The following VPS13B variants were observed in gnomAD, a reference collection of about 807,000 sequenced individuals.
The protein encoded by VPS13B is vacuolar protein sorting 13 homolog B.
In VPS13B, 285 loss-of-function variants were observed where a neutral mutation model predicts 426.4. That is an observed-to-expected ratio of 0.67 (90% CI 0.61 to 0.74). The LOEUF (loss-of-function observed/expected upper bound fraction) is 0.74. Ranked by LOEUF, VPS13B falls within the 30% of genes least tolerant of loss-of-function variation. The pLI, the probability that VPS13B is intolerant of heterozygous loss-of-function variation, is 0.00. For missense variants in VPS13B, 4,537 were observed against 4,782.6 expected (o/e 0.95, Z 1.51); for synonymous variants, 1,676 against 1,676.4 (o/e 1.00, Z 0.01).
At chr8:99,639,780 G>A (rs974729185) in intron 33 of VPS13B, among the ~76,000 whole-genome samples, 6 of 148,954 alleles carry the variant, frequency 4.0e-5, no homozygotes, top group Admixed American at 2.7e-4. Flanking sequence ...AGACCAGGTT[G>A]GGCTACACTA....
At chr8:99,489,101 T>G (rs1470105434) in intron 25 of VPS13B, among the ~76,000 whole-genome samples, 2 of 152,202 alleles carry the variant, frequency 1.3e-5, no homozygotes, top group East Asian at 1.9e-4. Context: ...TTTCTACATA[T>G]GGCTAGCCAG....
rs1046710911 is a variant in VPS13B, at chr8:99,118,599, G to C, written c.938-2578G>C. On this transcript the variant is annotated intron_variant, in intron 7 of 61. Transcript: ENST00000357162. ...TGTTCTGAAGTTCCTTAAAACTGTAGATTTAGTTTTGCTGATTCTAGAATT... is the reference window on the plus strand; with the variant it reads ...TGTTCTGAAGTTCCTTAAAACTGTACATTTAGTTTTGCTGATTCTAGAATT... Among the ~76,000 whole-genome samples, 13 of 152,138 alleles carry C rather than the reference G, an allele frequency of 8.5e-5. No homozygotes were observed. In the South Asian group the frequency reaches 2.5e-3, roughly 29 times the overall value.
At chr8:99,397,207 G>A (rs535049839) in intron 21 of VPS13B, among the ~76,000 whole-genome samples, 104 of 152,198 alleles carry the variant, frequency 6.8e-4, no homozygotes, top group Non-Finnish European at 6.6e-4. Context: ...GTGCAGTGAC[G>A]TGATCTTGGC....
At position 99,642,275 on chromosome 8, in the gene VPS13B, T is replaced by C; in HGVS notation, c.5685T>C (p.Ser1895=). 1 of 1,614,160 alleles carries C rather than the reference T, an allele frequency of 6.2e-7. No individual in the cohort carries two copies. The highest frequency in any genetic ancestry group is 1.3e-5 in the African/African-American group (1 of 75,032). ...GKKIGVLSLE[S]LHASTRSSAR... is the part of the protein sequence containing the mutation. ...AAATAGGGGTCCTCTCTCTTGAAAGTCTTCATGCATCCACAAGGTCATCTG... is the reference window on the plus strand; with the variant it reads ...AAATAGGGGTCCTCTCTCTTGAAAGCCTTCATGCATCCACAAGGTCATCTG... The change falls in exon 34 of 62, where the codon AGT becomes AGC. Residue 1895 remains serine, a synonymous_variant. Transcript: ENST00000357162.
At chr8:99,208,590 T>G (rs1245835771) in intron 17 of VPS13B, among the ~76,000 whole-genome samples, 1 of 70,894 alleles carries the variant, frequency 1.4e-5, no homozygotes, top group Non-Finnish European at 3.7e-5. Context: ...TTTTGTTTGC[T>G]CTTTACCACA....
chr8:99,397,756 TGA>T (rs1486813939), intron 21 of VPS13B, among the ~76,000 whole-genome samples: 20 of 152,334 alleles, frequency 1.3e-4, no homozygotes. Context: ...TGCATTTCAG[TGA>T]GCATAAATGA....
chr8:99,759,750 G>T (rs895190856), intron 39 of VPS13B, among the ~76,000 whole-genome samples: 3 of 152,104 alleles, frequency 2.0e-5, no homozygotes, highest in African/African-American at 4.8e-5. Context: ...CCATATGGCT[G>T]CTCAGGCTAG....
intron 3 of VPS13B, among the ~76,000 whole-genome samples, chr8:99,093,013 T>C (rs1846226035): frequency 6.6e-6 from 1 of 152,052 alleles, no homozygotes; most frequent in Non-Finnish European, 1.5e-5. Flanking sequence ...ATATTTTATA[T>C]TGGTAAAATC....
chr8:99,810,663 G>A (rs1184592834), intron 44 of VPS13B, among the ~76,000 whole-genome samples: 2 of 152,334 alleles, frequency 1.3e-5, no homozygotes, highest in East Asian at 3.9e-4. Context: ...ATTGCCTAAA[G>A]TGGAACAAAG....
intron 5 of VPS13B, among the ~76,000 whole-genome samples, chr8:99,110,344 T>C (rs1847295269): frequency 1.3e-5 from 2 of 152,266 alleles, no homozygotes; most frequent in African/African-American, 4.8e-5. Flanking sequence ...ATAAGAAATA[T>C]TGATTTGCTA....
At chr8:99,257,203 C>T (rs115547784) in intron 17 of VPS13B, among the ~76,000 whole-genome samples, 7 of 152,132 alleles carry the variant, frequency 4.6e-5, no homozygotes, top group African/African-American at 1.7e-4. Context: ...ATATTCAAAC[C>T]GTAGCAGCAA....
chr8:99,171,723 TA>T (rs1358383316), intron 16 of VPS13B, among the ~76,000 whole-genome samples: 1 of 152,124 alleles, frequency 6.6e-6, no homozygotes, highest in Non-Finnish European at 1.5e-5. Context: ...ATTTCAGTGA[TA>T]TTTTTGCTAT....
chr8:99,140,368 CA>C (rs5893482), intron 12 of VPS13B, among the ~76,000 whole-genome samples: 23,946 of 74,860 alleles, frequency 0.32, 2,610 homozygotes, highest in East Asian at 0.55. Context: ...AGCTCTGTCT[CA>C]AAAAAAAAAA....
chr8:99,842,677 A>G (rs1815771574), intron 54 of VPS13B, among the ~76,000 whole-genome samples: 1 of 152,236 alleles, frequency 6.6e-6, no homozygotes, highest in South Asian at 2.1e-4. Flanking sequence ...TAATTTACTT[A>G]GTAAAATTGT....
At chr8:99,673,012 T>A (rs949621692) in intron 35 of VPS13B, among the ~76,000 whole-genome samples, 2 of 152,096 alleles carry the variant, frequency 1.3e-5, no homozygotes, top group African/African-American at 4.8e-5. Flanking sequence ...ATTTTTAATG[T>A]ATTTTAAATT....
chr8:99,788,442 C>T (rs1204526644), intron 43 of VPS13B, among the ~76,000 whole-genome samples: 1 of 146,988 alleles, frequency 6.8e-6, no homozygotes. Flanking sequence ...TGATGAGCAG[C>T]AGAGCATCTT....
rs1262685401 is a variant in VPS13B, at chr8:99,853,754, G to A, written c.10365G>A (p.Gln3455=). 4 of 1,614,218 alleles carry A rather than the reference G, an allele frequency of 2.5e-6. No homozygotes were observed. Among genetic ancestry groups the A allele is most frequent in the Non-Finnish European group, 2.5e-6 (3 of 1,180,042 alleles). ...AGGGAGAAAAAGCAGAACCCATTCA[G>A]TGTTCCAAAATGCAGAGTCTCCTCA... ...VCQGEKAEPI[Q]CSKMQSLLIS... is the part of the protein sequence containing the mutation. The change falls in exon 56 of 62, where the codon CAG becomes CAA. Residue 3455 remains glutamine (Q), a synonymous_variant. Coordinates refer to ENST00000357162, the MANE Select transcript of VPS13B (RefSeq NM_152564.5).
chr8:99,045,739 G>A (rs1022400032), intron 3 of VPS13B, among the ~76,000 whole-genome samples: 15 of 152,122 alleles, frequency 9.9e-5, no homozygotes, highest in Non-Finnish European at 1.5e-4. Context: ...GAGAGATAAG[G>A]ATCCAGTTTC....
chr8:99,862,904 AAT>A (rs2130945272), intron 58 of VPS13B, among the ~76,000 whole-genome samples: 1 of 152,288 alleles, frequency 6.6e-6, no homozygotes, highest in African/African-American at 2.4e-5. Context: ...GTCATTTGAT[AAT>A]ATGTGGAAAC....
Sources: allele counts gnomAD v4.1 joint callset (sites outside exome capture counted in the v4.1 genomes callset), GRCh38; gene constraint gnomAD v4.1.1; transcripts MANE v1.5; gene names NCBI Gene and HGNC (gene_info 2026-07-23, HGNC 2026-07-21).